The following DYNC1I1 variants were observed in gnomAD, a reference collection of about 807,000 sequenced individuals.
DYNC1I1 encodes the protein cytoplasmic dynein 1 intermediate chain 1.
In DYNC1I1, 43 loss-of-function variants were observed where a neutral mutation model predicts 86.6. The ratio of observed to expected loss-of-function variants is 0.50; its 90% CI spans 0.39 to 0.64. The LOEUF (loss-of-function observed/expected upper bound fraction) is 0.64. Ranked by LOEUF, DYNC1I1 falls within the 30% of genes least tolerant of loss-of-function variation. The pLI, the probability that DYNC1I1 is intolerant of heterozygous loss-of-function variation, is 0.00. For synonymous variants in DYNC1I1, 262 were observed against 283.7 expected (o/e 0.92, Z 0.77); for missense variants, 604 against 788.8 (o/e 0.77, Z 2.81).
At chr7:95,978,952 T>C (rs1311681354) in intron 7 of DYNC1I1, among the ~76,000 whole-genome samples, 2 of 152,134 alleles carry the variant, frequency 1.3e-5, no homozygotes, top group East Asian at 1.9e-4. Context: ...TGTGCCACCA[T>C]GCCTGGCTAA....
At chr7:96,044,907 G>T (rs566836364) in intron 14 of DYNC1I1, among the ~76,000 whole-genome samples, 1 of 152,250 alleles carries the variant, frequency 6.6e-6, no homozygotes, top group South Asian at 2.1e-4. Flanking sequence ...GAATGTTTTA[G>T]CAGCTTCAAT....
chr7:95,871,108 A>T (rs1790151505), intron 6 of DYNC1I1, among the ~76,000 whole-genome samples: 1 of 152,204 alleles, frequency 6.6e-6, no homozygotes. Context: ...GGTTCTAAAT[A>T]AATAACGCCA....
At chr7:95,858,381 G>A (rs948338854) in intron 5 of DYNC1I1, among the ~76,000 whole-genome samples, 2 of 152,270 alleles carry the variant, frequency 1.3e-5, no homozygotes, top group East Asian at 1.9e-4. Flanking sequence ...TGAGATGTAT[G>A]TGGCTGCTGC....
At chr7:95,985,338 T>C (rs1209739542) in intron 8 of DYNC1I1, among the ~76,000 whole-genome samples, 1 of 152,110 alleles carries the variant, frequency 6.6e-6, no homozygotes, top group African/African-American at 2.4e-5. Flanking sequence ...AAATAGGAAA[T>C]TGAAGAAAAT....
intron 10 of DYNC1I1, among the ~76,000 whole-genome samples, chr7:96,024,469 A>C: frequency 6.6e-6 from 1 of 152,344 alleles, no homozygotes; most frequent in Non-Finnish European, 1.5e-5. Flanking sequence ...AAGGAATAAA[A>C]TAAAATAGGA....
chr7:95,919,634 CTG>C (rs1206779820), intron 6 of DYNC1I1, among the ~76,000 whole-genome samples: 3 of 152,160 alleles, frequency 2.0e-5, no homozygotes, highest in Admixed American at 6.5e-5. Flanking sequence ...GATGTCCTCT[CTG>C]TGTGAGCTGT....
At chr7:96,050,366 C>T (rs1289016065) in intron 14 of DYNC1I1, among the ~76,000 whole-genome samples, 1 of 151,990 alleles carries the variant, frequency 6.6e-6, no homozygotes, top group African/African-American at 2.4e-5. Context: ...TTTTAAAGAT[C>T]CAAATTTAAA....
intron 6 of DYNC1I1, among the ~76,000 whole-genome samples, chr7:95,929,477 T>C (rs549417054): frequency 2.0e-5 from 3 of 152,338 alleles, no homozygotes; most frequent in South Asian, 4.1e-4. Context: ...AGTTCCTTCA[T>C]AGAGCCTGGA....
chr7:95,804,718 A>G lies in DYNC1I1; in HGVS notation c.-9-3A>G, dbSNP rs781587408. 6 of 1,577,736 alleles carry G rather than the reference A, an allele frequency of 3.8e-6. No homozygotes were observed. Among genetic ancestry groups the G allele is most frequent in the Non-Finnish European group, 4.3e-6 (5 of 1,166,212 alleles). On this transcript the variant is annotated splice_region_variant and splice_polypyrimidine_tract_variant and intron_variant, in intron 1 of 16. Transcript: ENST00000447467. ...GTTCACTTTTTTTTTCTCTTTCTCCAAGGAAACCAACATGTCTGACAAAAG... is the reference window on the plus strand; with the variant it reads ...GTTCACTTTTTTTTTCTCTTTCTCCGAGGAAACCAACATGTCTGACAAAAG...
intron 4 of DYNC1I1, among the ~76,000 whole-genome samples, chr7:95,825,427 G>T (rs1427928756): frequency 6.6e-6 from 1 of 152,192 alleles, no homozygotes; most frequent in African/African-American, 2.4e-5. Flanking sequence ...ATCAGCAAGA[G>T]CCAGAGTCTG....
chr7:95,864,404 T>C (rs1789966433), intron 5 of DYNC1I1, among the ~76,000 whole-genome samples: 1 of 152,220 alleles, frequency 6.6e-6, no homozygotes, highest in African/African-American at 2.4e-5. Context: ...AGCTTTATTT[T>C]TTATTCTTTA....
At chr7:95,976,218 T>C (rs190284643) in intron 6 of DYNC1I1, among the ~76,000 whole-genome samples, 101 of 152,330 alleles carry the variant, frequency 6.6e-4, no homozygotes, top group Non-Finnish European at 1.0e-3. Flanking sequence ...AGTAGTGAGC[T>C]TGGCTCCACA....
At chr7:96,007,160 A>C (rs956168208) in intron 10 of DYNC1I1, among the ~76,000 whole-genome samples, 2 of 152,232 alleles carry the variant, frequency 1.3e-5, no homozygotes, top group Admixed American at 1.3e-4. Context: ...TTGTTCTGTT[A>C]AAATTTCACT....
At chr7:96,000,514 G>A (rs81018) in intron 10 of DYNC1I1, among the ~76,000 whole-genome samples, 82,341 of 152,038 alleles carry the variant, frequency 0.54, 23,416 homozygotes, top group African/African-American at 0.72. Flanking sequence ...TTGCTACTTT[G>A]TGCCTTTCGG....
At chr7:95,798,407 A>G (rs921927295) in intron 1 of DYNC1I1, among the ~76,000 whole-genome samples, 9 of 151,758 alleles carry the variant, frequency 5.9e-5, no homozygotes, top group African/African-American at 1.7e-4. Flanking sequence ...CCTCCCATCC[A>G]AGTGGAAAGA....
intron 5 of DYNC1I1, among the ~76,000 whole-genome samples, chr7:95,856,410 G>A (rs1435122031): frequency 6.6e-6 from 1 of 152,090 alleles, no homozygotes; most frequent in East Asian, 1.9e-4. Context: ...ATATGTCGAT[G>A]GCCGTTTCTT....
chr7:95,801,477 T>C (rs1210266933), intron 1 of DYNC1I1, among the ~76,000 whole-genome samples: 4 of 152,180 alleles, frequency 2.6e-5, no homozygotes, highest in African/African-American at 9.7e-5. Flanking sequence ...TTAATAACCA[T>C]AAATATTGCT....
intron 1 of DYNC1I1, among the ~76,000 whole-genome samples, chr7:95,776,514 C>G (rs2115616340): frequency 6.6e-6 from 1 of 152,154 alleles, no homozygotes; most frequent in East Asian, 1.9e-4. Flanking sequence ...ATGTAGTTTT[C>G]TAGGGAAAAA....
At chr7:95,965,777 AT>A (rs1335114790) in intron 6 of DYNC1I1, among the ~76,000 whole-genome samples, 1 of 152,164 alleles carries the variant, frequency 6.6e-6, no homozygotes, top group Non-Finnish European at 1.5e-5. Flanking sequence ...CCACTCACAC[AT>A]TTTTGATTGC....
Sources: allele counts gnomAD v4.1 joint callset (sites outside exome capture counted in the v4.1 genomes callset), GRCh38; gene constraint gnomAD v4.1.1; transcripts MANE v1.5; gene names NCBI Gene and HGNC (gene_info 2026-07-23, HGNC 2026-07-21).